UNC13C: variants seen among roughly 807,000 people sequenced by gnomAD.
The protein encoded by UNC13C is unc-13 homolog C.
UNC13C carries 174 observed loss-of-function variants against 245.4 expected under a neutral mutation model. That is an observed-to-expected ratio of 0.71 (90% CI 0.63 to 0.80). UNC13C has a LOEUF of 0.80. Ranked by LOEUF, UNC13C falls within the 30% of genes least tolerant of loss-of-function variation. The probability of loss-of-function intolerance (pLI) is 0.00; values close to 1 mark genes in which losing one functional copy is unlikely to be tolerated. For synonymous variants in UNC13C, 992 were observed against 895.1 expected, an observed-to-expected ratio of 1.11 and a Z score of -1.93; for missense variants, 2,829 against 2,602.9, an observed-to-expected ratio of 1.09 and a Z score of -1.89.
chr15:53,991,721 A>G (rs544029945), intron 1 of UNC13C, among the ~76,000 whole-genome samples: 15 of 152,176 alleles, frequency 9.9e-5, no homozygotes, highest in African/African-American at 2.9e-4. Context: ...TGCCACTCCA[A>G]TGTTGCAACT....
chr15:54,525,994 G>A (rs915068262), intron 25 of UNC13C, among the ~76,000 whole-genome samples: 3 of 152,104 alleles, frequency 2.0e-5, no homozygotes, highest in African/African-American at 4.8e-5. Flanking sequence ...AAGACAGGGA[G>A]GGAAGAAAAG....
chr15:54,192,828 A>G (rs975724365), intron 4 of UNC13C, among the ~76,000 whole-genome samples: 2 of 152,044 alleles, frequency 1.3e-5, no homozygotes, highest in Admixed American at 6.6e-5. Flanking sequence ...TACAGACAAT[A>G]GTTTTTATCT....
chr15:53,951,450 C>T, the UNC13C span, among the ~76,000 whole-genome samples: 1 of 152,264 alleles, frequency 6.6e-6, no homozygotes, highest in African/African-American at 2.4e-5. Context: ...AACTCCATTA[C>T]AGATTAATTA....
chr15:54,221,515 G>A (rs946376379), intron 4 of UNC13C, among the ~76,000 whole-genome samples: 1 of 151,710 alleles, frequency 6.6e-6, no homozygotes, highest in Admixed American at 6.6e-5. Context: ...AGGCAAAAAT[G>A]CAAATAGGTT....
intron 4 of UNC13C, among the ~76,000 whole-genome samples, chr15:54,199,612 G>T (rs1302888567): frequency 6.6e-6 from 1 of 152,030 alleles, no homozygotes; most frequent in Non-Finnish European, 1.5e-5. Context: ...ATGAAAGAAA[G>T]ATACAGTCTC....
chr15:54,176,016 C>T (rs1464087970), intron 4 of UNC13C, among the ~76,000 whole-genome samples: 1 of 152,152 alleles, frequency 6.6e-6, no homozygotes, highest in Non-Finnish European at 1.5e-5. Context: ...TATAGGATAT[C>T]TCCTTCCTCA....
At position 54,167,584 on chromosome 15, in the gene UNC13C, G is replaced by T. The variant is rs372253006; in HGVS notation, c.3071+23900G>T. The stretch of plus-strand genomic sequence containing the variant: ...GCTAGAATGAGTGAAATGAGTGAAA[G>T]AATGAGTATCCAAATAGGAAAAAAA... On this transcript the variant is annotated intron_variant, in intron 4 of 32. Coordinates refer to ENST00000260323, the MANE Select transcript of UNC13C (RefSeq NM_001080534.3). Among the ~76,000 whole-genome samples, 6 of 57,742 alleles carry T rather than the reference G, an allele frequency of 1.0e-4. No individual in the cohort carries two copies. The South Asian group carries it at 3.4e-3, about 33-fold the overall frequency. The allele number at this position is 57,742 out of a possible 152,430, so 37.9% of individuals were successfully genotyped here.
chr15:54,215,074 A>C (rs1395188111), intron 4 of UNC13C, among the ~76,000 whole-genome samples: 1 of 151,920 alleles, frequency 6.6e-6, no homozygotes, highest in Non-Finnish European at 1.5e-5. Flanking sequence ...GGAGGGAGTA[A>C]GGTTTTTGGT....
chr15:54,167,500 CA>C (rs67762910), intron 4 of UNC13C, among the ~76,000 whole-genome samples: 11,712 of 89,426 alleles, frequency 0.13, 501 homozygotes, highest in Non-Finnish European at 0.18. Context: ...ACACTCGTCT[CA>C]AAAAAAAAAA....
At chr15:54,394,273 A>G (rs2040024225) in intron 18 of UNC13C, among the ~76,000 whole-genome samples, 1 of 151,724 alleles carries the variant, frequency 6.6e-6, no homozygotes, top group African/African-American at 2.4e-5. Context: ...GAGTGGTCCT[A>G]TTTTTGGTAT....
rs1174539137 is a variant in UNC13C at position 53,978,740 on chromosome 15, T to C, written c.-444T>C. Among the ~76,000 whole-genome samples the C allele has an allele frequency of 1.3e-5, 2 of 152,220 alleles. No individual in the cohort carries two copies. Among genetic ancestry groups the C allele is most frequent in the East Asian group, 1.9e-4 (1 of 5,160 alleles). ...CCGTTGCAGACCAAGGCATGCCTGATTGCACGAGTCGGATCCCTGGGACGC... is the reference window on the plus strand; with the variant it reads ...CCGTTGCAGACCAAGGCATGCCTGACTGCACGAGTCGGATCCCTGGGACGC... On this transcript the variant is annotated 5_prime_UTR_variant, in exon 1 of 33. Coordinates refer to ENST00000260323, the MANE Select transcript of UNC13C (RefSeq NM_001080534.3).
intron 30 of UNC13C, among the ~76,000 whole-genome samples, chr15:54,601,834 A>G (rs1223608519): frequency 1.3e-5 from 2 of 152,100 alleles, no homozygotes; most frequent in Non-Finnish European, 2.9e-5. Context: ...GTTTCTCCTC[A>G]AAGTGGAAAT....
chr15:53,875,203 T>C, the UNC13C span, among the ~76,000 whole-genome samples: 4 of 152,200 alleles, frequency 2.6e-5, no homozygotes, highest in African/African-American at 9.7e-5. Flanking sequence ...CAATTTAGCT[T>C]ATTGAAAATG....
intron 19 of UNC13C, among the ~76,000 whole-genome samples, chr15:54,437,979 C>T (rs1211645276): frequency 4.6e-5 from 7 of 151,904 alleles, no homozygotes; most frequent in African/African-American, 7.2e-5. Context: ...CTATCTAAAA[C>T]TCTTACATTT....
chr15:54,606,753 A>T (rs914026410), intron 30 of UNC13C, among the ~76,000 whole-genome samples: 2 of 152,218 alleles, frequency 1.3e-5, no homozygotes, highest in Admixed American at 1.3e-4. Context: ...AGTCTTGAGC[A>T]TCTGACCCTA....
intron 14 of UNC13C, among the ~76,000 whole-genome samples, chr15:54,328,306 TA>T (rs71105803): frequency 0.21 from 31,368 of 152,068 alleles, 3,503 homozygotes; most frequent in Middle Eastern, 0.29. Flanking sequence ...TTGAATTATT[TA>T]AAAATTACCA....
At chr15:53,859,352 T>C in the UNC13C span, among the ~76,000 whole-genome samples, 1 of 152,152 alleles carries the variant, frequency 6.6e-6, no homozygotes, top group Admixed American at 6.6e-5. Context: ...TATGAATGCA[T>C]GTTCTGGGCC....
At chr15:54,063,773 G>T (rs1349267415) in intron 2 of UNC13C, among the ~76,000 whole-genome samples, 1 of 152,124 alleles carries the variant, frequency 6.6e-6, no homozygotes, top group Non-Finnish European at 1.5e-5. Context: ...AAATCTTTTT[G>T]GTGCAGGAAA....
Position 54,422,982 on chromosome 15 carries a change from CA to C in UNC13C, c.4933+7917del, listed in dbSNP as rs1265550594. On this transcript the variant is annotated intron_variant, in intron 19 of 32. Coordinates refer to ENST00000260323, the MANE Select transcript of UNC13C (RefSeq NM_001080534.3). ...GTACACACACACACACACACACACA[CA>C]ACGAAAAAAAAACTTCATGAAATAT... Among the ~76,000 whole-genome samples the C allele has an allele frequency of 6.2e-3, 868 of 140,294 alleles. 10 individuals are homozygous for C. Among genetic ancestry groups the C allele is most frequent in the African/African-American group, 0.022 (829 of 37,662 alleles). 92.0% of individuals were successfully genotyped at this position (140,294 alleles called of 152,430 possible).
Sources: allele counts gnomAD v4.1 joint callset (sites outside exome capture counted in the v4.1 genomes callset), GRCh38; gene constraint gnomAD v4.1.1; transcripts MANE v1.5; gene names NCBI Gene and HGNC (gene_info 2026-07-23, HGNC 2026-07-21).